DLGAP2: variants seen among roughly 807,000 people sequenced by gnomAD.
DLGAP2 encodes disks large-associated protein 2.
DLGAP2 carries 26 observed loss-of-function variants against 100.3 expected under a neutral mutation model. The ratio of observed to expected loss-of-function variants is 0.26; its 90% CI spans 0.19 to 0.36. DLGAP2 has a LOEUF of 0.36. Among genes scored for constraint, DLGAP2 ranks in the 10% least tolerant of loss-of-function variants. The pLI, the probability that DLGAP2 is intolerant of heterozygous loss-of-function variation, is 1.00. For synonymous variants in DLGAP2, 886 were observed against 630.1 expected, an observed-to-expected ratio of 1.41 and a Z score of -6.08; for missense variants, 1,858 against 1,453.2, an observed-to-expected ratio of 1.28 and a Z score of -4.53.
chr8:1,373,890 G>A (rs192733015), intron 3 of DLGAP2: 1 of 152,402 alleles, frequency 6.6e-6, no homozygotes, highest in East Asian at 1.9e-4. Context: ...CATGAAGCGC[G>A]GTACAAATGG....
intron 12 of DLGAP2, among the ~76,000 whole-genome samples, chr8:1,684,458 AGATT>A (rs1433507151): frequency 1.3e-5 from 2 of 152,134 alleles, no homozygotes; most frequent in Non-Finnish European, 2.9e-5. Context: ...TTTAAAATAA[AGATT>A]AAATTAAATG....
chr8:1,220,042 T>G (rs552335535), intron 2 of DLGAP2, among the ~76,000 whole-genome samples: 6 of 152,238 alleles, frequency 3.9e-5, no homozygotes, highest in Admixed American at 2.0e-4. Context: ...CAGTATTATT[T>G]CTTCTTTCAA....
intron 1 of DLGAP2, among the ~76,000 whole-genome samples, chr8:842,651 C>T (rs1001887360): frequency 6.6e-6 from 1 of 152,024 alleles, no homozygotes; most frequent in Admixed American, 6.6e-5. Context: ...TTCTGCTGCT[C>T]TGATTTTCAC....
At chr8:1,223,212 C>G (rs1378381778) in intron 2 of DLGAP2, among the ~76,000 whole-genome samples, 1 of 152,192 alleles carries the variant, frequency 6.6e-6, no homozygotes, top group African/African-American at 2.4e-5. Flanking sequence ...GCAACCCTGT[C>G]CAGGGTTCCC....
At chr8:860,796 C>T (rs917866147) in intron 1 of DLGAP2, among the ~76,000 whole-genome samples, 1 of 152,006 alleles carries the variant, frequency 6.6e-6, no homozygotes, top group African/African-American at 2.4e-5. Context: ...CCCTGTGTGG[C>T]GGGGAGTCAG....
At chr8:1,048,107 G>C (rs12675238) in intron 2 of DLGAP2, among the ~76,000 whole-genome samples, 2 of 152,272 alleles carry the variant, frequency 1.3e-5, no homozygotes, top group East Asian at 3.9e-4. Context: ...TTGACCTTGT[G>C]AGAGTTGTTC....
chr8:1,092,172 C>T (rs1404010611), intron 2 of DLGAP2, among the ~76,000 whole-genome samples: 1 of 152,180 alleles, frequency 6.6e-6, no homozygotes, highest in African/African-American at 2.4e-5. Context: ...TGGCTCAAGT[C>T]CTGGGTGCAG....
intron 4 of DLGAP2, among the ~76,000 whole-genome samples, chr8:1,522,302 T>C (rs1347342711): frequency 6.6e-6 from 1 of 152,244 alleles, no homozygotes; most frequent in Non-Finnish European, 1.5e-5. Flanking sequence ...AGCTGTGTCT[T>C]CTGTGTTGAA....
intron 2 of DLGAP2, among the ~76,000 whole-genome samples, chr8:942,999 G>C (rs924849527): frequency 6.6e-6 from 1 of 152,182 alleles, no homozygotes; most frequent in Non-Finnish European, 1.5e-5. Flanking sequence ...CTGGGAGTTC[G>C]GGGTTGGATT....
At chr8:1,523,581 TG>T (rs1800685691) in intron 4 of DLGAP2, among the ~76,000 whole-genome samples, 1 of 152,204 alleles carries the variant, frequency 6.6e-6, no homozygotes. Flanking sequence ...GAGTCCTGTT[TG>T]GAGGACAGCT....
chr8:1,269,130 C>T (rs912510191), intron 3 of DLGAP2, among the ~76,000 whole-genome samples: 1 of 152,212 alleles, frequency 6.6e-6, no homozygotes, highest in Admixed American at 6.5e-5. Flanking sequence ...ACCCCTTCAT[C>T]GGTGGGCCCG....
chr8:1,326,120 C>G (rs1056638406), intron 3 of DLGAP2, among the ~76,000 whole-genome samples: 1 of 152,150 alleles, frequency 6.6e-6, no homozygotes, highest in Non-Finnish European at 1.5e-5. Flanking sequence ...TCTTGACTTG[C>G]TATGGTATTT....
At chr8:965,989 G>C (rs1413364408) in intron 2 of DLGAP2, among the ~76,000 whole-genome samples, 1 of 152,240 alleles carries the variant, frequency 6.6e-6, no homozygotes, top group Non-Finnish European at 1.5e-5. Context: ...GCTGGAGCCA[G>C]TGTAGAGGAC....
Position 946,589 on chromosome 8 carries a change from A to G in DLGAP2, c.73+38623A>G, listed in dbSNP as rs543728764. Among the ~76,000 whole-genome samples the G allele has an allele frequency of 4.1e-3, 617 of 152,280 alleles. 3 individuals are homozygous for G. The highest frequency in any genetic ancestry group is 6.6e-3 in the Non-Finnish European group (450 of 68,016). On this transcript the variant is annotated intron_variant, in intron 2 of 14. Coordinates refer to ENST00000637795, the MANE Select transcript of DLGAP2 (RefSeq NM_001346810.2). ...GTTCCTTAGTTTTTACTTGTCACAC[A>G]GTGTGCATGACAGAGTGACTAGATA...
chr8:1,488,735 G>T (rs755886069), intron 3 of DLGAP2, among the ~76,000 whole-genome samples: 12 of 152,140 alleles, frequency 7.9e-5, no homozygotes, highest in Non-Finnish European at 1.3e-4. Flanking sequence ...TCTGCACGAT[G>T]GGCATGACGA....
At chr8:1,188,742 G>C (rs942789234) in intron 2 of DLGAP2, among the ~76,000 whole-genome samples, 2 of 152,222 alleles carry the variant, frequency 1.3e-5, no homozygotes, top group Non-Finnish European at 2.9e-5. Flanking sequence ...CAGAGTCTGA[G>C]ATGTCAGCGT....
At chr8:1,227,306 T>A (rs930891693) in intron 2 of DLGAP2, among the ~76,000 whole-genome samples, 13 of 150,478 alleles carry the variant, frequency 8.6e-5, no homozygotes, top group South Asian at 6.3e-4. Flanking sequence ...TTTTTCTCCT[T>A]TTCGATCATT....
chr8:1,279,208 C>G (rs566261415), intron 3 of DLGAP2, among the ~76,000 whole-genome samples: 1 of 152,100 alleles, frequency 6.6e-6, no homozygotes, highest in African/African-American at 2.4e-5. Flanking sequence ...CTCAAAAGCC[C>G]TTTGTAAGAA....
intron 3 of DLGAP2, among the ~76,000 whole-genome samples, chr8:1,447,228 T>C (rs896173713): frequency 2.6e-5 from 4 of 152,190 alleles, no homozygotes; most frequent in African/African-American, 9.7e-5. Context: ...TGCCTGTGGG[T>C]TTGTCATAGA....
Sources: gnomAD v4.1 joint callset for allele counts (sites outside exome capture counted in the v4.1 genomes callset) on GRCh38, gnomAD v4.1.1 for gene constraint, MANE v1.5 for transcripts, NCBI Gene and HGNC (gene_info 2026-07-23, HGNC 2026-07-21) for gene names.